ORC2: variants seen among roughly 807,000 people sequenced by gnomAD.
ORC2 encodes the protein origin recognition complex subunit 2.
A neutral mutation model predicts 77.7 loss-of-function variants in ORC2; 37 were observed. The observed-to-expected ratio is 0.48, with a 90% CI of 0.37 to 0.63. ORC2 has a LOEUF of 0.63. ORC2 is among the 20% of genes least tolerant of loss of function. The pLI, the probability that ORC2 is intolerant of heterozygous loss-of-function variation, is 0.00. For missense variants in ORC2, 557 were observed against 661.9 expected (o/e 0.84, Z 1.74); for synonymous variants, 201 against 229.5 (o/e 0.88, Z 1.12).
intron 5 of ORC2, among the ~76,000 whole-genome samples, chr2:200,945,017 G>A (rs1242438126): frequency 6.6e-6 from 1 of 152,124 alleles, no homozygotes; most frequent in Non-Finnish European, 1.5e-5. Flanking sequence ...TATTGTCTGT[G>A]GCTGCTTTTC....
chr2:200,922,968 TG>T lies in ORC2; in HGVS notation c.1148-1830del, dbSNP rs16835764. On this transcript the variant is annotated intron_variant, in intron 13 of 17. Transcript: ENST00000234296. ...TTGATTTTTAATTAAATAATAAGGT[TG>T]AAAGAACTGAAAACAAACCAAACAG... Among the ~76,000 whole-genome samples the T allele has an allele frequency of 9.7e-3, 1,474 of 152,300 alleles. 19 individuals are homozygous for T. The highest frequency in any genetic ancestry group is 0.034 in the African/African-American group (1,408 of 41,560).
intron 9 of ORC2, among the ~76,000 whole-genome samples, chr2:200,935,237 T>A (rs578016086): frequency 2.6e-5 from 4 of 152,160 alleles, no homozygotes; most frequent in Non-Finnish European, 5.9e-5. Context: ...ATTCTCCTGC[T>A]TCAGCCTCCC....
chr2:200,913,229 T>C (rs1343620154), intron 17 of ORC2, 66 bp downstream of exon 17: 1 of 1,203,398 alleles, frequency 8.3e-7, no homozygotes, highest in African/African-American at 1.5e-5. Flanking sequence ...GTCAAACATA[T>C]ATGTGTCCTT....
chr2:200,915,658 A>C lies in ORC2; in HGVS notation c.1467-1666T>G, dbSNP rs570859086. ...AATTTTCATTGTTATGCAGGTCCAG[A>C]AAACAATTACTATAATCATATTTTG... is the stretch of plus-strand genomic sequence containing the variant. On this transcript the variant is annotated intron_variant, in intron 15 of 17. Transcript: ENST00000234296. 5.3e-5 allele frequency among the ~76,000 whole-genome samples: 8 copies of C among 152,298 alleles called. No individual in the cohort carries two copies. The East Asian group carries it at 1.5e-3, about 29-fold the overall frequency.
At chr2:200,926,308 C>T (rs1025297655) in intron 12 of ORC2, among the ~76,000 whole-genome samples, 1 of 152,044 alleles carries the variant, frequency 6.6e-6, no homozygotes, top group Non-Finnish European at 1.5e-5. Context: ...ATATCCAGCA[C>T]CCAAAAGATT....
chr2:200,945,129 T>G (rs1425072140), intron 5 of ORC2, among the ~76,000 whole-genome samples: 1 of 152,232 alleles, frequency 6.6e-6, no homozygotes, highest in Non-Finnish European at 1.5e-5. Context: ...TGGCTGACCT[T>G]TGCTCTGTAT....
intron 11 of ORC2, among the ~76,000 whole-genome samples, chr2:200,928,183 CTG>C (rs2040876554): frequency 6.6e-6 from 1 of 151,706 alleles, no homozygotes; most frequent in Admixed American, 6.6e-5. Context: ...TGGTGAAATC[CTG>C]TCTCTACTAA....
chr2:200,924,808 G>A (rs1440036344), intron 13 of ORC2, among the ~76,000 whole-genome samples: 2 of 151,980 alleles, frequency 1.3e-5, no homozygotes, highest in African/African-American at 4.8e-5. Flanking sequence ...ACCCAGGGTG[G>A]AGTGCAGTGG....
intron 9 of ORC2, among the ~76,000 whole-genome samples, chr2:200,935,387 T>C (rs892886211): frequency 1.3e-5 from 2 of 152,240 alleles, no homozygotes; most frequent in African/African-American, 4.8e-5. Context: ...CCTCCCAAAG[T>C]GCTGGGATTA....
intron 5 of ORC2, among the ~76,000 whole-genome samples, chr2:200,945,870 G>A (rs1429572456): frequency 6.6e-6 from 1 of 151,936 alleles, no homozygotes; most frequent in Admixed American, 6.6e-5. Context: ...GAACACGGGA[G>A]TGCAGATATC....
intron 8 of ORC2, among the ~76,000 whole-genome samples, chr2:200,937,230 G>A (rs1182511259): frequency 6.6e-6 from 1 of 152,150 alleles, no homozygotes; most frequent in Non-Finnish European, 1.5e-5. Context: ...TTGGGATGAG[G>A]AGAAAACATA....
chr2:200,953,427 A>T (rs561609792), intron 4 of ORC2, among the ~76,000 whole-genome samples: 991 of 83,328 alleles, frequency 0.012, 7 homozygotes, highest in East Asian at 0.037. Context: ...TTTTTTTTTT[A>T]AAAAAGGAAA....
At chr2:200,954,276 C>T (rs1216739536) in intron 4 of ORC2, among the ~76,000 whole-genome samples, 1 of 152,082 alleles carries the variant, frequency 6.6e-6, no homozygotes, top group African/African-American at 2.4e-5. Flanking sequence ...TCAGGCGATC[C>T]ACCCGCCTTG....
intron 4 of ORC2, among the ~76,000 whole-genome samples, chr2:200,955,398 T>C (rs962803536): frequency 1.3e-5 from 2 of 152,160 alleles, no homozygotes; most frequent in African/African-American, 4.8e-5. Context: ...TCTACCCCCA[T>C]AGTTAATGAA....
intron 13 of ORC2, among the ~76,000 whole-genome samples, chr2:200,922,053 A>C (rs1454250670): frequency 3.3e-5 from 5 of 149,982 alleles, no homozygotes; most frequent in Non-Finnish European, 5.9e-5. Context: ...AAAAAAACCA[A>C]AGGATTTCTC....
intron 10 of ORC2, among the ~76,000 whole-genome samples, chr2:200,931,900 T>G (rs905823402): frequency 6.6e-6 from 1 of 152,190 alleles, no homozygotes; most frequent in African/African-American, 2.4e-5. Context: ...CTGAGGAAAG[T>G]GCATTGCCCT....
chr2:200,917,953 A>G (rs775214954), intron 15 of ORC2, among the ~76,000 whole-genome samples: 11 of 151,392 alleles, frequency 7.3e-5, no homozygotes, highest in Non-Finnish European at 1.0e-4. Context: ...TCCTCTATCT[A>G]TTCCCCTTTA....
intron 2 of ORC2, among the ~76,000 whole-genome samples, chr2:200,959,156 C>T (rs1489299037): frequency 6.6e-6 from 1 of 152,022 alleles, no homozygotes; most frequent in Non-Finnish European, 1.5e-5. Flanking sequence ...GCAGGTTTTC[C>T]TTTTTTTGTA....
At chr2:200,949,491 A>ATG in intron 5 of ORC2, 63 bp downstream of exon 5, 1 of 840,496 alleles carries the variant, frequency 1.2e-6, no homozygotes, top group South Asian at 1.5e-5. Flanking sequence ...ATCATGGGGA[A>ATG]TGTGGTTAAA....
Sources: gnomAD v4.1 joint callset for allele counts (sites outside exome capture counted in the v4.1 genomes callset) on GRCh38, gnomAD v4.1.1 for gene constraint, MANE v1.5 for transcripts, NCBI Gene and HGNC (gene_info 2026-07-23, HGNC 2026-07-21) for gene names.